The following PCSK1 variants were observed in gnomAD, a reference collection of about 807,000 sequenced individuals.
PCSK1 encodes proprotein convertase subtilisin/kexin type 1, also known as neuroendocrine convertase 1.
In PCSK1, 56 loss-of-function variants were observed where a neutral mutation model predicts 90.6. That is an observed-to-expected ratio of 0.62 (90% confidence interval 0.50 to 0.77). The LOEUF (loss-of-function observed/expected upper bound fraction) is 0.77, where lower values mean the gene tolerates loss of function less well. Ranked by LOEUF, PCSK1 falls within the 30% of genes least tolerant of loss-of-function variation. The probability of loss-of-function intolerance (pLI) is 0.00; values close to 1 mark genes in which losing one functional copy is unlikely to be tolerated. For missense variants in PCSK1, 801 were observed against 932.6 expected (o/e 0.86, Z 1.84); for synonymous variants, 348 against 342.4 (o/e 1.02, Z -0.18).
At chr5:96,425,710 C>T in intron 3 of PCSK1, 110 bp downstream of exon 3, 1 of 692,600 alleles carries the variant, frequency 1.4e-6, no homozygotes. Flanking sequence ...ATATAGCTCC[C>T]TATGAAATTC....
chr5:96,400,189 G>A lies in PCSK1; in HGVS notation c.1197-3C>T. ...TATCTCGCCAGGTGAGATTTGGGCT[G>A]GAGGGGAAGTGACCCAAAGTGTCTT... On this transcript the variant is annotated splice_polypyrimidine_tract_variant and splice_region_variant and intron_variant, in intron 9 of 13. Coordinates refer to ENST00000311106, the MANE Select transcript of PCSK1 (RefSeq NM_000439.5). 4 of 1,607,720 alleles carry A rather than the reference G, an allele frequency of 2.5e-6. No homozygotes were observed. The highest frequency in any genetic ancestry group is 3.3e-4 in the Middle Eastern group (2 of 6,050).
chr5:96,416,221 C>T (rs188525756), intron 5 of PCSK1, 100 bp from the exon 6 acceptor site: 40 of 822,368 alleles, frequency 4.9e-5, no homozygotes, highest in African/African-American at 1.5e-4. Flanking sequence ...AACTTTTTGT[C>T]GGCCTTGTTA....
chr5:96,394,756 C>T (rs1760071619), intron 13 of PCSK1, 108 bp downstream of exon 13: 1 of 924,238 alleles, frequency 1.1e-6, no homozygotes, highest in South Asian at 1.3e-5. Flanking sequence ...CTTATCCTCC[C>T]CATCCATGTT....
At chr5:96,402,018 A>G (rs1041052197) in intron 9 of PCSK1, among the ~76,000 whole-genome samples, 17 of 152,210 alleles carry the variant, frequency 1.1e-4, no homozygotes, top group Non-Finnish European at 2.1e-4. Context: ...TTATGTAATA[A>G]GTAGATGCCC....
At chr5:96,431,880 C>T (rs866126281) in intron 1 of PCSK1, among the ~76,000 whole-genome samples, 1 of 152,052 alleles carries the variant, frequency 6.6e-6, no homozygotes, top group Non-Finnish European at 1.5e-5. Context: ...AAGCAGGGGG[C>T]GAGGGCTTGA....
chr5:96,407,583 T>G (rs886501096), intron 9 of PCSK1, among the ~76,000 whole-genome samples: 4 of 152,192 alleles, frequency 2.6e-5, no homozygotes, highest in African/African-American at 9.6e-5. Flanking sequence ...GACCCAGAAA[T>G]TCCAATTCTG....
chr5:96,406,672 C>A (rs1760579098), intron 9 of PCSK1, among the ~76,000 whole-genome samples: 1 of 152,236 alleles, frequency 6.6e-6, no homozygotes, highest in African/African-American at 2.4e-5. Flanking sequence ...CCAGTCATGG[C>A]AAAGGCCAAG....
chr5:96,407,071 G>T (rs978875192), intron 9 of PCSK1, among the ~76,000 whole-genome samples: 1 of 152,098 alleles, frequency 6.6e-6, no homozygotes, highest in African/African-American at 2.4e-5. Context: ...ATATGGTAAA[G>T]AAACCATAAT....
intron 1 of PCSK1, among the ~76,000 whole-genome samples, chr5:96,432,643 A>T (rs1761542214): frequency 6.6e-6 from 1 of 152,226 alleles, no homozygotes; most frequent in Non-Finnish European, 1.5e-5. Context: ...ACCCAGCTGC[A>T]GCGGCTTCCT....
Position 96,393,322 on chromosome 5 carries a change from G to A in PCSK1, c.1941C>T (p.Ser647=), listed in dbSNP as rs1434989507. 6.2e-7 allele frequency: 1 copy of A among 1,614,132 alleles called. No homozygotes were observed. The highest frequency in any genetic ancestry group is 1.7e-5 in the Admixed American group (1 of 60,020). The change falls in exon 14 of 14, where the codon AGC becomes AGT. Residue 647 remains serine (S), a synonymous_variant. Transcript: ENST00000311106. The stretch of plus-strand genomic sequence containing the variant: ...CCCTCCGGCCCCCTACGCTGCTGCT[G>A]CTGGGGCTTTTGGACACCAGGGTGT... The part of the protein sequence containing the change: ...KENTLVSKSP[S]SSSVGGRRDE...
At position 96,406,203 on chromosome 5, in the gene PCSK1, C is replaced by T. The variant is rs533009062; in HGVS notation, c.1196+2020G>A. Among the ~76,000 whole-genome samples the T allele has an allele frequency of 2.6e-5, 4 of 152,170 alleles. No homozygotes were observed. The South Asian group carries it at 8.3e-4, about 32-fold the overall frequency. On this transcript the variant is annotated intron_variant, in intron 9 of 13. Transcript: ENST00000311106. ...CATTTTATAGATGGAAAGACTGAAC[C>T]CCACAAGTAAATTAACTTGCCGAAG...
chr5:96,398,753 T>C, intron 11 of PCSK1, 126 bp downstream of exon 11: 1 of 819,754 alleles, frequency 1.2e-6, no homozygotes, highest in Non-Finnish European at 2.1e-6. Flanking sequence ...AAAATAAGCA[T>C]GTTTTTTAAG....
chr5:96,419,460 C>G (rs369620412), intron 5 of PCSK1, among the ~76,000 whole-genome samples: 1 of 145,882 alleles, frequency 6.9e-6, no homozygotes, highest in Admixed American at 6.7e-5. Flanking sequence ...TATATATATA[C>G]ACTCACTTAA....
At chr5:96,430,388 G>A (rs375760313) in intron 1 of PCSK1, among the ~76,000 whole-genome samples, 6 of 152,184 alleles carry the variant, frequency 3.9e-5, no homozygotes, top group East Asian at 1.9e-4. Flanking sequence ...GATTCTCATC[G>A]CCCAGAGAAT....
intron 9 of PCSK1, among the ~76,000 whole-genome samples, chr5:96,403,893 G>C (rs897213985): frequency 1.3e-5 from 2 of 151,990 alleles, no homozygotes; most frequent in African/African-American, 2.4e-5. Flanking sequence ...TCTTTCTCCA[G>C]GTTTTAATAA....
intron 12 of PCSK1, among the ~76,000 whole-genome samples, chr5:96,396,080 C>A (rs1760129937): frequency 6.6e-6 from 1 of 152,070 alleles, no homozygotes; most frequent in Non-Finnish European, 1.5e-5. Flanking sequence ...CAAGAACAGG[C>A]CCAGATGCTA....
chr5:96,425,009 AAAG>A (rs1244615338), intron 3 of PCSK1, among the ~76,000 whole-genome samples: 30 of 8,632 alleles, frequency 3.5e-3, no homozygotes, highest in Non-Finnish European at 7.6e-3. Flanking sequence ...GAAAGAAAGA[AAAG>A]AAAGAAAGAA....
At chr5:96,403,941 C>T (rs1760470785) in intron 9 of PCSK1, among the ~76,000 whole-genome samples, 1 of 151,972 alleles carries the variant, frequency 6.6e-6, no homozygotes, top group East Asian at 1.9e-4. Context: ...TTAATATTTC[C>T]AAAGGTGTGA....
At chr5:96,409,091 C>G (rs1407913168) in intron 8 of PCSK1, among the ~76,000 whole-genome samples, 1 of 152,134 alleles carries the variant, frequency 6.6e-6, no homozygotes. Flanking sequence ...AATTTTCTTG[C>G]AAGTAAGGAA....
Sources: gnomAD v4.1 joint callset for allele counts (sites outside exome capture counted in the v4.1 genomes callset) on GRCh38, gnomAD v4.1.1 for gene constraint, MANE v1.5 for transcripts, NCBI Gene and HGNC (gene_info 2026-07-23, HGNC 2026-07-21) for gene names.